Variants in PCDH9 observed in about 807,000 individuals in gnomAD.
PCDH9 encodes the protein protocadherin 9.
In PCDH9, 24 loss-of-function variants were observed where a neutral mutation model predicts 70.6. That is an observed-to-expected ratio of 0.34 (90% confidence interval 0.25 to 0.48). PCDH9 has a LOEUF of 0.48. Ranked by LOEUF, PCDH9 falls within the 20% of genes least tolerant of loss-of-function variation. The pLI is 0.99. For synonymous variants in PCDH9, 562 were observed against 558.5 expected (o/e 1.01, Z -0.09); for missense variants, 1,281 against 1,503.6 (o/e 0.85, Z 2.45).
chr13:66,901,824 C>T (rs1843048030), intron 3 of PCDH9, among the ~76,000 whole-genome samples: 1 of 151,670 alleles, frequency 6.6e-6, no homozygotes, highest in Admixed American at 6.6e-5. Context: ...AATCATCTCA[C>T]CACCTTTGGT....
chr13:66,850,534 T>A (rs2324992), intron 3 of PCDH9, among the ~76,000 whole-genome samples: 139,069 of 148,462 alleles, frequency 0.94, 65,197 homozygotes, highest in East Asian at 1. Context: ...AAAAAAAAAA[T>A]GTAAGTTAAA....
chr13:66,679,585 G>T (rs1463787455), intron 3 of PCDH9, among the ~76,000 whole-genome samples: 1 of 151,818 alleles, frequency 6.6e-6, no homozygotes, highest in Non-Finnish European at 1.5e-5. Flanking sequence ...AAGATGAAGA[G>T]AATAAAAGGT....
chr13:67,004,946 T>C (rs2084321735), intron 2 of PCDH9, among the ~76,000 whole-genome samples: 1 of 152,118 alleles, frequency 6.6e-6, no homozygotes. Flanking sequence ...GGGGACTATT[T>C]TGAAGTGGTC....
At chr13:67,019,684 A>T (rs1594399688) in intron 2 of PCDH9, among the ~76,000 whole-genome samples, 2 of 152,232 alleles carry the variant, frequency 1.3e-5, no homozygotes, top group South Asian at 4.1e-4. Flanking sequence ...GCAAATGCTT[A>T]AGGAGATAAG....
rs950192060 is a variant in PCDH9, at chr13:66,306,604, A to G, written c.3341-1576T>C. Among the ~76,000 whole-genome samples, 3 of 151,730 alleles carry G rather than the reference A, an allele frequency of 2.0e-5. No individual in the cohort carries two copies. In the East Asian group the frequency reaches 5.8e-4, roughly 29 times the overall value. On this transcript the variant is annotated intron_variant, in intron 4 of 4. Transcript: ENST00000377865. ...AAAAGGGGCTGAAATGCACTATTTC[A>G]TATAAACTCAAAGTTTAGCGATTTT... is the stretch of plus-strand genomic sequence containing the variant.
chr13:66,426,614 A>T (rs780330513), intron 4 of PCDH9, among the ~76,000 whole-genome samples: 3 of 151,618 alleles, frequency 2.0e-5, no homozygotes, highest in Non-Finnish European at 4.4e-5. Context: ...ATAAAAATTA[A>T]TTGAAAATTC....
At chr13:66,479,937 C>T (rs1434652971) in intron 4 of PCDH9, among the ~76,000 whole-genome samples, 1 of 152,204 alleles carries the variant, frequency 6.6e-6, no homozygotes, top group Non-Finnish European at 1.5e-5. Flanking sequence ...GCTCGGGTCC[C>T]TTTCCATGGT....
intron 3 of PCDH9, among the ~76,000 whole-genome samples, chr13:66,828,969 T>C (rs1046525044): frequency 6.6e-6 from 1 of 152,058 alleles, no homozygotes; most frequent in Non-Finnish European, 1.5e-5. Context: ...TATAAAGGAA[T>C]TGATAATGGC....
At chr13:67,193,116 T>C (rs2088962293) in intron 2 of PCDH9, among the ~76,000 whole-genome samples, 1 of 152,084 alleles carries the variant, frequency 6.6e-6, no homozygotes, top group Admixed American at 6.6e-5. Flanking sequence ...CAGACTAAAA[T>C]CACATTGGTT....
At chr13:66,760,838 G>A (rs988671925) in intron 3 of PCDH9, among the ~76,000 whole-genome samples, 9 of 152,100 alleles carry the variant, frequency 5.9e-5, no homozygotes, top group African/African-American at 2.2e-4. Context: ...GCTGCTCTGG[G>A]AGTGTCTATC....
intron 4 of PCDH9, among the ~76,000 whole-genome samples, chr13:66,459,392 ATTC>A (rs1361979155): frequency 1.3e-5 from 2 of 151,972 alleles, no homozygotes; most frequent in Admixed American, 1.3e-4. Flanking sequence ...AAAAACAGGT[ATTC>A]TTTTCTTTCT....
intron 3 of PCDH9, among the ~76,000 whole-genome samples, chr13:66,644,302 C>T (rs1253991035): frequency 6.7e-6 from 1 of 150,222 alleles, no homozygotes; most frequent in Admixed American, 6.7e-5. Context: ...TCAATACTGG[C>T]TCATCATATG....
chr13:67,125,928 C>G (rs1293543899), intron 2 of PCDH9, among the ~76,000 whole-genome samples: 1 of 151,708 alleles, frequency 6.6e-6, no homozygotes, highest in Non-Finnish European at 1.5e-5. Context: ...ATCATGTACC[C>G]TTCACTGTTT....
At chr13:67,224,967 C>T in intron 2 of PCDH9, 2 of 1,009,748 alleles carry the variant, frequency 2.0e-6, no homozygotes, top group South Asian at 4.2e-5. Flanking sequence ...ACCATAGCTG[C>T]AACATAATTG....
chr13:66,409,143 CA>C (rs1957329779), intron 4 of PCDH9, among the ~76,000 whole-genome samples: 1 of 151,524 alleles, frequency 6.6e-6, no homozygotes. Context: ...GAATTCCATA[CA>C]GACTTTGAGA....
At chr13:67,209,390 A>C (rs1167724168) in intron 2 of PCDH9, 6 of 152,154 alleles carry the variant, frequency 3.9e-5, no homozygotes, top group African/African-American at 1.2e-4. Context: ...TATGATTAAA[A>C]AGTGTCTTGC....
Position 66,517,648 on chromosome 13 carries a change from T to C in PCDH9, c.3340+113562A>G, listed in dbSNP as rs1239787486. ...GTTTTCTTTGTAAGATAATGAAAAC[T>C]TCTCAATCCATTGCCTATCCCTTCT... On this transcript the variant is annotated intron_variant, in intron 4 of 4. Transcript: ENST00000377865. Among the ~76,000 whole-genome samples, 4 of 152,156 alleles carry C rather than the reference T, an allele frequency of 2.6e-5. No individual in the cohort carries two copies. In the East Asian group the frequency reaches 5.8e-4, roughly 22 times the overall value.
rs571786433 is a variant in PCDH9, at chr13:66,656,470, G to GA, written c.3139-25060dup. ...AAAACAAATTTGTTCTTTCATAAAG[G>GA]AAAAAAAAAATTCTGCAGTTTTCTT... On this transcript the variant is annotated intron_variant, in intron 3 of 4. Transcript: ENST00000377865. Among the ~76,000 whole-genome samples, 621 of 149,730 alleles carry GA rather than the reference G, an allele frequency of 4.1e-3. 3 individuals carry two copies. The highest frequency in any genetic ancestry group is 0.014 in the African/African-American group (589 of 41,012).
At chr13:67,030,790 A>C (rs1414289896) in intron 2 of PCDH9, among the ~76,000 whole-genome samples, 1 of 152,160 alleles carries the variant, frequency 6.6e-6, no homozygotes, top group East Asian at 1.9e-4. Flanking sequence ...GTCACCCTAT[A>C]ATTTAAAAAG....
Sources: allele counts gnomAD v4.1 joint callset (sites outside exome capture counted in the v4.1 genomes callset), GRCh38; gene constraint gnomAD v4.1.1; transcripts MANE v1.5; gene names NCBI Gene and HGNC (gene_info 2026-07-23, HGNC 2026-07-21).